GAB3: variants seen among roughly 807,000 people sequenced by gnomAD.
GAB3 encodes the protein GRB2-associated-binding protein 3.
In GAB3, 12 loss-of-function variants were observed where a neutral mutation model predicts 40.4. The ratio of observed to expected loss-of-function variants is 0.30; its 90% CI spans 0.19 to 0.48. The LOEUF is 0.48. Among genes scored for constraint, GAB3 ranks in the 20% least tolerant of loss-of-function variants. GAB3 has a pLI of 0.99. For synonymous variants in GAB3, 154 were observed against 176.7 expected (o/e 0.87, Z 1.02); for missense variants, 381 against 461.9 (o/e 0.82, Z 1.61).
intron 1 of GAB3, among the ~76,000 whole-genome samples, chrX:154,728,563 C>A (rs1387841399): frequency 8.9e-6 from 1 of 112,347 alleles, no homozygotes; most frequent in Non-Finnish European, 1.9e-5. Context: ...CCTGAACCAA[C>A]TGTGAAAGGC....
chrX:154,699,263 C>T (rs1557251456), intron 6 of GAB3, 31 bp downstream of exon 6: 1 of 1,122,639 alleles, frequency 8.9e-7, no homozygotes, highest in African/African-American at 1.8e-5. Flanking sequence ...GCTCCCCTAC[C>T]CCTGTACAGC....
chrX:154,741,393 T>G (rs782365420), intron 1 of GAB3, among the ~76,000 whole-genome samples: 159 of 111,110 alleles, frequency 1.4e-3, no homozygotes, highest in African/African-American at 5.0e-3. Context: ...AGGAAAAAGG[T>G]TGGGCCGGGC....
rs111690457 is a variant in GAB3, at chrX:154,712,548, G to A, written c.750C>T (p.Ser250=). The A allele has an allele frequency of 5.1e-5, 60 of 1,183,391 alleles. 1 individual carries two copies. The highest frequency in any genetic ancestry group is 4.6e-4 in the African/African-American group (26 of 56,456). Residue 250 remains serine (S), a synonymous_variant, in exon 4 of 10, where the codon TCC becomes TCT. Transcript: ENST00000424127. ...CHGSGAQEVP[S]SRPQAALIWS... Reference sequence around the variant, plus strand: ...AGATCAGGGCAGCCTGAGGCCTCGAGGATGGCACCTCCTGAGCTCCACTGC... The same window carrying A: ...AGATCAGGGCAGCCTGAGGCCTCGAAGATGGCACCTCCTGAGCTCCACTGC...
At chrX:154,750,654 AC>A (rs1483412594) in intron 1 of GAB3, among the ~76,000 whole-genome samples, 2 of 112,553 alleles carry the variant, frequency 1.8e-5, no homozygotes, top group Non-Finnish European at 3.8e-5. Context: ...CCGCTCCTGT[AC>A]GGAGAGTGGC....
At chrX:154,719,025 C>T (rs1232373523) in intron 1 of GAB3, among the ~76,000 whole-genome samples, 1 of 111,855 alleles carries the variant, frequency 8.9e-6, no homozygotes, top group African/African-American at 3.3e-5. Context: ...GGGATTAGAG[C>T]TGGTCCCTAA....
chrX:154,696,056 C>T (rs1557250639), intron 7 of GAB3, 37 bp from the exon 8 acceptor site: 1 of 838,142 alleles, frequency 1.2e-6, no homozygotes, highest in East Asian at 3.2e-5. Flanking sequence ...AAAGCAATGT[C>T]TTACAGCTGC....
rs111690457 is a variant in GAB3, at chrX:154,712,548, G to C, written c.750C>G (p.Ser250=). 8.4e-7 allele frequency: 1 copy of C among 1,185,213 alleles called. No individual in the cohort carries two copies. The highest frequency in any genetic ancestry group is 1.1e-6 in the Non-Finnish European group (1 of 882,267). The change falls in exon 4 of 10, where the codon TCC becomes TCG. Residue 250 remains serine, a synonymous_variant. Transcript: ENST00000424127. ...CHGSGAQEVP[S]SRPQAALIWS... ...AGATCAGGGCAGCCTGAGGCCTCGA[G>C]GATGGCACCTCCTGAGCTCCACTGC...
rs782445509 is a variant in GAB3 at position 154,676,409 on chromosome X, G to A, written c.*1769C>T. On this transcript the variant is annotated 3_prime_UTR_variant, in exon 10 of 10. Coordinates refer to ENST00000424127, the MANE Select transcript of GAB3 (RefSeq NM_001081573.3). ...CTTTGCAAGTCACATGGGGAAGAAG[G>A]CAGCTCCTCACAGGCTCTGGCTGTG... 4 of 111,268 alleles carry A rather than the reference G, an allele frequency of 3.6e-5. No homozygotes were observed. Among genetic ancestry groups the A allele is most frequent in the Non-Finnish European group, 7.5e-5 (4 of 53,084 alleles). The allele number at this position is 111,268 out of a possible 1,213,427, so 9.2% of individuals were successfully genotyped here. A position where few individuals can be genotyped will look rare whatever the true frequency, so the allele number is the denominator to read the frequency against.
At chrX:154,732,396 C>G (rs2071304543) in intron 1 of GAB3, among the ~76,000 whole-genome samples, 1 of 111,443 alleles carries the variant, frequency 9.0e-6, no homozygotes, top group Non-Finnish European at 1.9e-5. Context: ...CTCAAATGTC[C>G]CAACAGTGCC....
intron 1 of GAB3, 35 bp downstream of exon 1, chrX:154,750,919 G>A: frequency 1.3e-6 from 1 of 768,482 alleles, no homozygotes. Flanking sequence ...GCCCCGGGAC[G>A]CGAAGGCCGG....
intron 9 of GAB3, 114 bp downstream of exon 9, chrX:154,680,018 T>C: frequency 1.9e-6 from 1 of 529,172 alleles, no homozygotes; most frequent in Non-Finnish European, 3.3e-6. Context: ...TTCTTCATTA[T>C]ACATGTCTGC....
At chrX:154,719,176 T>G (rs949537340) in intron 1 of GAB3, among the ~76,000 whole-genome samples, 3 of 111,385 alleles carry the variant, frequency 2.7e-5, no homozygotes, top group Admixed American at 9.5e-5. Flanking sequence ...ATGAAGAAGT[T>G]TGGGCTTTAT....
chrX:154,715,424 G>C (rs911932302), intron 2 of GAB3, among the ~76,000 whole-genome samples: 5 of 107,573 alleles, frequency 4.6e-5, no homozygotes, highest in Admixed American at 1.1e-4. Context: ...GTGTGTGCGT[G>C]TGGCAGAGAG....
intron 8 of GAB3, among the ~76,000 whole-genome samples, chrX:154,680,878 T>C (rs1283597125): frequency 2.7e-5 from 3 of 112,708 alleles, no homozygotes; most frequent in Non-Finnish European, 5.6e-5. Context: ...AATCACATTG[T>C]ATGCATTTTG....
chrX:154,709,136 C>T (rs1461290984), intron 4 of GAB3, among the ~76,000 whole-genome samples: 1 of 88,286 alleles, frequency 1.1e-5, no homozygotes, highest in African/African-American at 3.9e-5. Flanking sequence ...TGTAGCACCT[C>T]CCCCTTCACT....
chrX:154,684,439 G>A (rs1191301388), intron 8 of GAB3, among the ~76,000 whole-genome samples: 1 of 110,824 alleles, frequency 9.0e-6, no homozygotes, highest in Non-Finnish European at 1.9e-5. Context: ...CAGAGAATTT[G>A]CCTATCACAA....
At position 154,675,579 on chromosome X, in the gene GAB3, T is replaced by C. The variant is rs1207735207; in HGVS notation, c.*2599A>G. 8.9e-6 allele frequency: 1 copy of C among 112,248 alleles called. No homozygotes were observed. The highest frequency in any genetic ancestry group is 1.9e-5 in the Non-Finnish European group (1 of 53,224). The allele number at this position is 112,248 out of a possible 1,213,427, so 9.3% of individuals were successfully genotyped here. On this transcript the variant is annotated 3_prime_UTR_variant, in exon 10 of 10. Coordinates refer to ENST00000424127, the MANE Select transcript of GAB3 (RefSeq NM_001081573.3). The stretch of plus-strand genomic sequence containing the variant: ...TCTGGACTTGCAGGCTTGAGACCCT[T>C]GGGTCCCCCGTCCTGCACTGGACGA...
Position 154,696,015 on chromosome X carries a change from G to T in GAB3, c.1432C>A (p.Arg478=). ...CTTTCTGGAGAGAGAAAGCTGGTTC[G>T]ACTGCTAAGAATAAAAATATAGATG... The part of the protein sequence containing the change: ...LTRTRTVPCS[R]TSFLSPERNG... The change falls in exon 8 of 10, where the codon CGA becomes AGA. Residue 478 remains arginine (R), a synonymous_variant. Transcript: ENST00000424127. 8.8e-7 allele frequency: 1 copy of T among 1,142,057 alleles called. No individual in the cohort carries two copies. The highest frequency in any genetic ancestry group is 1.2e-6 in the Non-Finnish European group (1 of 835,464). 94.1% of individuals were successfully genotyped at this position (1,142,057 alleles called of 1,213,427 possible). A position where few individuals can be genotyped will look rare whatever the true frequency, so the allele number is the denominator to read the frequency against.
At chrX:154,736,943 G>A (rs57067641) in intron 1 of GAB3, among the ~76,000 whole-genome samples, 1 of 111,946 alleles carries the variant, frequency 8.9e-6, no homozygotes, top group Non-Finnish European at 1.9e-5. Flanking sequence ...TTCTTTATCA[G>A]GCCTGGGTCT....
Sources: allele counts gnomAD v4.1 joint callset (sites outside exome capture counted in the v4.1 genomes callset), GRCh38; gene constraint gnomAD v4.1.1; transcripts MANE v1.5; gene names NCBI Gene and HGNC (gene_info 2026-07-23, HGNC 2026-07-21).